The following ARL15 variants were observed in gnomAD, a reference collection of about 807,000 sequenced individuals.
The protein encoded by ARL15 is ARF like GTPase 15, also known as ADP-ribosylation factor-like protein 15.
In ARL15, 19 loss-of-function variants were observed where a neutral mutation model predicts 25.2. The ratio of observed to expected loss-of-function variants is 0.75; its 90% confidence interval spans 0.53 to 1.10. ARL15 has a LOEUF of 1.10. Among genes scored for constraint, ARL15 ranks in the 50% least tolerant of loss-of-function variants. The pLI is 0.00. For synonymous variants in ARL15, 94 were observed against 86.8 expected (o/e 1.08, Z -0.46); for missense variants, 220 against 246.0 (o/e 0.89, Z 0.71).
At chr5:53,934,869 A>G (rs1746305764) in intron 4 of ARL15, among the ~76,000 whole-genome samples, 1 of 152,256 alleles carries the variant, frequency 6.6e-6, no homozygotes, top group Non-Finnish European at 1.5e-5. Context: ...CTCAAATTCA[A>G]TATTCAAGCT....
chr5:54,075,880 A>G (rs1486988065), intron 4 of ARL15, among the ~76,000 whole-genome samples: 1 of 152,196 alleles, frequency 6.6e-6, no homozygotes, highest in Non-Finnish European at 1.5e-5. Context: ...GGTAAAATGA[A>G]GAGTACGGAC....
chr5:54,230,722 C>G (rs1013269175), intron 1 of ARL15, among the ~76,000 whole-genome samples: 1 of 152,176 alleles, frequency 6.6e-6, no homozygotes, highest in African/African-American at 2.4e-5. Context: ...TCCAGGTTCT[C>G]ACTCCCTAGG....
chr5:54,031,075 A>G (rs117508442), intron 4 of ARL15, among the ~76,000 whole-genome samples: 1 of 152,310 alleles, frequency 6.6e-6, no homozygotes, highest in East Asian at 1.9e-4. Flanking sequence ...GGTTGGGACA[A>G]GATAAACTCC....
chr5:53,953,524 A>G (rs552232892), intron 4 of ARL15, among the ~76,000 whole-genome samples: 51 of 152,300 alleles, frequency 3.3e-4, no homozygotes, highest in Non-Finnish European at 6.5e-4. Flanking sequence ...TAGAAAATTT[A>G]TTACGCAAAA....
intron 1 of ARL15, among the ~76,000 whole-genome samples, chr5:54,248,025 T>TA (rs762721366): frequency 3.3e-5 from 5 of 151,252 alleles, no homozygotes; most frequent in South Asian, 2.1e-4. Flanking sequence ...CATATTTGAT[T>TA]AAAAAAAAAT....
At chr5:54,021,982 T>C (rs947783581) in intron 4 of ARL15, among the ~76,000 whole-genome samples, 2 of 152,158 alleles carry the variant, frequency 1.3e-5, no homozygotes, top group African/African-American at 2.4e-5. Flanking sequence ...AAGGAAATGA[T>C]GCAACATTTT....
chr5:53,981,797 G>A (rs1394976785), intron 4 of ARL15, among the ~76,000 whole-genome samples: 1 of 151,372 alleles, frequency 6.6e-6, no homozygotes, highest in Non-Finnish European at 1.5e-5. Flanking sequence ...TACTCAGGAG[G>A]CTGAGGTAGG....
chr5:53,963,254 T>C (rs1747428465), intron 4 of ARL15, among the ~76,000 whole-genome samples: 1 of 152,208 alleles, frequency 6.6e-6, no homozygotes, highest in Non-Finnish European at 1.5e-5. Flanking sequence ...TTCCACATTA[T>C]GATTTTGGTT....
At chr5:53,886,825 T>A (rs1744541845) in intron 4 of ARL15, 112 bp from the exon 5 acceptor site, 1 of 988,168 alleles carries the variant, frequency 1.0e-6, no homozygotes, top group African/African-American at 1.7e-5. Context: ...TTATACGAAC[T>A]GTGATGCCTA....
chr5:54,287,132 G>A (rs1361268193), intron 1 of ARL15, among the ~76,000 whole-genome samples: 5 of 151,850 alleles, frequency 3.3e-5, no homozygotes, highest in South Asian at 2.1e-4. Flanking sequence ...CTCCCACCTC[G>A]GCCTGCCAAA....
At chr5:54,085,403 G>A (rs1751933516) in intron 4 of ARL15, among the ~76,000 whole-genome samples, 1 of 152,022 alleles carries the variant, frequency 6.6e-6, no homozygotes, top group African/African-American at 2.4e-5. Context: ...AATATTATCC[G>A]AGGACAAAAT....
At chr5:54,082,033 G>GTGAGCCAAGAC (rs1751814327) in intron 4 of ARL15, among the ~76,000 whole-genome samples, 1 of 146,502 alleles carries the variant, frequency 6.8e-6, no homozygotes, top group African/African-American at 2.5e-5. Flanking sequence ...GGAGGTTGTA[G>GTGAGCCAAGAC]TGAGCCAAGA....
At chr5:54,197,708 A>C (rs1030064764) in intron 1 of ARL15, among the ~76,000 whole-genome samples, 1 of 152,136 alleles carries the variant, frequency 6.6e-6, no homozygotes, top group African/African-American at 2.4e-5. Context: ...GCTGAATTCT[A>C]CCAGAGGTAC....
At chr5:54,277,274 G>A (rs1297709061) in intron 1 of ARL15, among the ~76,000 whole-genome samples, 2 of 151,140 alleles carry the variant, frequency 1.3e-5, no homozygotes, top group Admixed American at 6.6e-5. Flanking sequence ...CCCTCCCCCC[G>A]CAAAAAAGAA....
At chr5:54,029,333 T>TACCACCACCACCACCACCACC (rs34152775) in intron 4 of ARL15, among the ~76,000 whole-genome samples, 84 of 94,668 alleles carry the variant, frequency 8.9e-4, no homozygotes, top group Middle Eastern at 5.4e-3. Context: ...CCACCACCAC[T>TACCACCACCACCACCACCACC]ACCACCACCA....
chr5:54,121,517 A>G (rs1184101624), intron 3 of ARL15, among the ~76,000 whole-genome samples: 3 of 152,218 alleles, frequency 2.0e-5, no homozygotes, highest in Non-Finnish European at 2.9e-5. Context: ...GTAATTAGAT[A>G]AGTCAATGCA....
intron 1 of ARL15, among the ~76,000 whole-genome samples, chr5:54,233,535 T>C (rs1756725660): frequency 6.6e-6 from 1 of 152,236 alleles, no homozygotes; most frequent in South Asian, 2.1e-4. Context: ...CATAACTAGA[T>C]GAACCAATAT....
At chr5:54,171,746 A>G in intron 2 of ARL15, 38 bp downstream of exon 2, 1 of 1,572,546 alleles carries the variant, frequency 6.4e-7, no homozygotes, top group Non-Finnish European at 8.7e-7. Flanking sequence ...TCTTGGGATG[A>G]GAAAGAAGAA....
rs149538121 is a variant in ARL15, at chr5:54,193,907, T to A, written c.49-21979A>T. ...CTTAAAAAGCTTGGTTGAATTTTTT[T>A]AAAAAACTGAATAATTGGGGGCTAG... On this transcript the variant is annotated intron_variant, in intron 1 of 4. Coordinates refer to ENST00000504924, the MANE Select transcript of ARL15 (RefSeq NM_019087.3). 5.6e-4 allele frequency among the ~76,000 whole-genome samples: 86 copies of A among 152,218 alleles called. 3 individuals are homozygous for A. The East Asian group carries it at 0.015, about 27-fold the overall frequency.
Sources: allele counts gnomAD v4.1 joint callset (sites outside exome capture counted in the v4.1 genomes callset), GRCh38; gene constraint gnomAD v4.1.1; transcripts MANE v1.5; gene names NCBI Gene and HGNC (gene_info 2026-07-23, HGNC 2026-07-21).